Variants in PCNX2 observed in about 807,000 individuals in gnomAD.
The protein encoded by PCNX2 is pecanex-like protein 2.
A neutral mutation model predicts 223.8 loss-of-function variants in PCNX2; 168 were observed. The ratio of observed to expected loss-of-function variants is 0.75; its 90% CI spans 0.66 to 0.85. The LOEUF (loss-of-function observed/expected upper bound fraction) is 0.85. Ranked by LOEUF, PCNX2 falls within the 40% of genes least tolerant of loss-of-function variation. The pLI is 0.00. For synonymous variants in PCNX2, 1,006 were observed against 1,052.6 expected (o/e 0.96, Z 0.86); for missense variants, 2,507 against 2,675.5 (o/e 0.94, Z 1.39).
chr1:233,225,110 T>TTA (rs781425714), intron 10 of PCNX2, among the ~76,000 whole-genome samples: 666 of 42,216 alleles, frequency 0.016, 29 homozygotes, highest in Middle Eastern at 0.029. Flanking sequence ...AGAACTAAAG[T>TTA]AAAAAAAAAA....
chr1:233,067,459 C>T (rs1205604615), intron 23 of PCNX2, among the ~76,000 whole-genome samples: 1 of 117,842 alleles, frequency 8.5e-6, no homozygotes, highest in Non-Finnish European at 1.7e-5. Context: ...AATAATTTTA[C>T]AACTGAAAAA....
intron 32 of PCNX2, among the ~76,000 whole-genome samples, chr1:232,988,005 C>T (rs1310582391): frequency 6.6e-6 from 1 of 152,220 alleles, no homozygotes; most frequent in Non-Finnish European, 1.5e-5. Flanking sequence ...GGCCCACCCG[C>T]CTCTGCTGCA....
chr1:233,236,014 T>A (rs1558376729), intron 9 of PCNX2, among the ~76,000 whole-genome samples: 1 of 145,776 alleles, frequency 6.9e-6, no homozygotes, highest in Non-Finnish European at 1.5e-5. Context: ...AAGATGAGCT[T>A]TTCTAGAATG....
chr1:233,043,538 T>C lies in PCNX2; in HGVS notation c.4351+10730A>G, dbSNP rs563200588. ...GTCATTTAGCATTAGGTATATCTCC[T>C]AAAGCTATCCCTCCTCCCTCCCCCC... On this transcript the variant is annotated intron_variant, in intron 25 of 33. Coordinates refer to ENST00000258229, the MANE Select transcript of PCNX2 (RefSeq NM_014801.4). 4.6e-5 allele frequency among the ~76,000 whole-genome samples: 7 copies of C among 150,750 alleles called. 1 individual carries two copies. The South Asian group carries it at 1.5e-3, about 32-fold the overall frequency.
chr1:233,245,421 G>A (rs1371213207), intron 8 of PCNX2, among the ~76,000 whole-genome samples: 1 of 152,060 alleles, frequency 6.6e-6, no homozygotes, highest in Non-Finnish European at 1.5e-5. Flanking sequence ...GCAATGAGTG[G>A]AGAACTTGGC....
At chr1:233,289,414 T>C (rs1661631517) in intron 1 of PCNX2, 2 of 1,419,954 alleles carry the variant, frequency 1.4e-6, no homozygotes, top group Admixed American at 3.4e-5. Context: ...TTCTCGCCAT[T>C]AGGCTTCACG....
At position 233,261,744 on chromosome 1, in the gene PCNX2, C is replaced by T. The variant is rs140111050; in HGVS notation, c.480+301G>A. On this transcript the variant is annotated intron_variant, in intron 3 of 33. Transcript: ENST00000258229. ...CAGATATGATGACTTAAATGAATGA[C>T]AACAGAAAGAAGCAAAGGCCTACAT... Among the ~76,000 whole-genome samples the T allele has an allele frequency of 2.2e-3, 337 of 152,344 alleles. 1 individual carries two copies. Among genetic ancestry groups the T allele is most frequent in the African/African-American group, 7.8e-3 (325 of 41,588 alleles).
intron 1 of PCNX2, chr1:233,291,101 A>T: frequency 1.0e-6 from 1 of 985,400 alleles, no homozygotes; most frequent in African/African-American, 1.7e-5. Context: ...GTCAGGCAGC[A>T]TAATGTCCTG....
chr1:233,311,661 A>C, the PCNX2 span, among the ~76,000 whole-genome samples: 1 of 152,246 alleles, frequency 6.6e-6, no homozygotes, highest in Admixed American at 6.5e-5. Flanking sequence ...TCCATTTGTT[A>C]CTGCAGCTTA....
intron 28 of PCNX2, among the ~76,000 whole-genome samples, chr1:233,003,390 CAT>C (rs1283804262): frequency 3.3e-5 from 5 of 152,224 alleles, no homozygotes; most frequent in African/African-American, 4.8e-5. Context: ...GGCCAACAAA[CAT>C]ATGAAAAACA....
chr1:233,173,403 T>C (rs557377886), intron 17 of PCNX2, among the ~76,000 whole-genome samples: 131 of 152,294 alleles, frequency 8.6e-4, no homozygotes, highest in Non-Finnish European at 1.5e-3. Context: ...TGACCTCAGG[T>C]GATCCACCCG....
intron 17 of PCNX2, among the ~76,000 whole-genome samples, chr1:233,162,897 C>T (rs1001649693): frequency 1.3e-5 from 2 of 152,148 alleles, no homozygotes; most frequent in Admixed American, 6.6e-5. Flanking sequence ...GGAAAACAGT[C>T]GGCCACCAGT....
intron 19 of PCNX2, among the ~76,000 whole-genome samples, chr1:233,159,147 C>A (rs1678309855): frequency 6.6e-6 from 1 of 151,856 alleles, no homozygotes; most frequent in African/African-American, 2.4e-5. Context: ...TCTGAGTTAC[C>A]CTCCCTGCAC....
chr1:233,268,059 G>A (rs1425193246), intron 1 of PCNX2, among the ~76,000 whole-genome samples: 1 of 151,990 alleles, frequency 6.6e-6, no homozygotes, highest in Admixed American at 6.6e-5. Context: ...CTACAGGCGC[G>A]CACCACCAAG....
Position 232,984,461 on chromosome 1 carries a change from C to A in PCNX2, c.6257G>T (p.Cys2086Phe), listed in dbSNP as rs763475531. The change falls in exon 34 of 34, where the codon TGT (cysteine) becomes TTT (phenylalanine). Residue 2086 changes from cysteine (C) to phenylalanine (F), a missense_variant. By Grantham distance (205) the Cys-to-Phe change is radical. Coordinates refer to ENST00000258229, the MANE Select transcript of PCNX2 (RefSeq NM_014801.4). ...SQATRHLSEP[C>F]EPPDATEQGQ... ...CTGCTCGGTGGCATCAGGGGGCTCACATGGCTCGGAGAGGTGCTTCCAAAG... is the reference window on the plus strand; with the variant it reads ...CTGCTCGGTGGCATCAGGGGGCTCAAATGGCTCGGAGAGGTGCTTCCAAAG... The A allele has an allele frequency of 6.2e-7, 1 of 1,613,170 alleles. No homozygotes were observed. Among genetic ancestry groups the A allele is most frequent in the Non-Finnish European group, 8.5e-7 (1 of 1,179,614 alleles).
intron 25 of PCNX2, among the ~76,000 whole-genome samples, chr1:233,028,879 C>T (rs1671173226): frequency 6.8e-6 from 1 of 147,872 alleles, no homozygotes; most frequent in Non-Finnish European, 1.5e-5. Flanking sequence ...CACTCTGTCG[C>T]CCATGCTGGA....
chr1:233,002,541 T>A (rs529786543), intron 28 of PCNX2, among the ~76,000 whole-genome samples: 1 of 152,312 alleles, frequency 6.6e-6, no homozygotes, highest in Admixed American at 6.5e-5. Flanking sequence ...TCCATGCTCA[T>A]GGATAGGAGA....
chr1:233,034,331 C>T (rs562405307), intron 25 of PCNX2, among the ~76,000 whole-genome samples: 62 of 152,248 alleles, frequency 4.1e-4, no homozygotes, highest in South Asian at 3.1e-3. Flanking sequence ...AGAACTTGCT[C>T]TCTCTCTGTT....
In PCNX2 at chr1:233,119,785, C is replaced by T. The variant is rs1304747562; in HGVS notation, c.3837+15228G>A. On this transcript the variant is annotated intron_variant, in intron 21 of 33. Transcript: ENST00000258229. ...ACTAAAATTAAAACTTTTTGTACTACGAAAGACCCTATTAAGAGAAGGAAA... is the reference window on the plus strand; with the variant it reads ...ACTAAAATTAAAACTTTTTGTACTATGAAAGACCCTATTAAGAGAAGGAAA... Among the ~76,000 whole-genome samples the T allele has an allele frequency of 1.6e-4, 24 of 151,910 alleles. 1 individual carries two copies. Among genetic ancestry groups the T allele is most frequent in the South Asian group, 4.2e-4 (2 of 4,812 alleles).
Sources: allele counts gnomAD v4.1 joint callset (sites outside exome capture counted in the v4.1 genomes callset), GRCh38; gene constraint gnomAD v4.1.1; transcripts MANE v1.5; gene names NCBI Gene and HGNC (gene_info 2026-07-23, HGNC 2026-07-21).